MED12L: variants seen among roughly 807,000 people sequenced by gnomAD.
MED12L encodes mediator complex subunit 12L.
Under a neutral mutation model 281.3 loss-of-function variants are expected in MED12L, and 60 were observed. The observed-to-expected ratio is 0.21, with a 90% CI of 0.17 to 0.26. MED12L has a LOEUF of 0.26. Among genes scored for constraint, MED12L ranks in the 10% least tolerant of loss-of-function variants. MED12L has a pLI of 1.00. For synonymous variants in MED12L, 974 were observed against 987.2 expected, an observed-to-expected ratio of 0.99 and a Z score of 0.25; for missense variants, 2,146 against 2,680.9, an observed-to-expected ratio of 0.80 and a Z score of 4.41.
At chr3:151,204,784 A>G (rs1002918593) in intron 16 of MED12L, among the ~76,000 whole-genome samples, 1 of 152,184 alleles carries the variant, frequency 6.6e-6, no homozygotes, top group African/African-American at 2.4e-5. Flanking sequence ...CTGGGATGAA[A>G]GATTTTTGAC....
At chr3:151,229,190 C>G (rs1296911300) in intron 16 of MED12L, among the ~76,000 whole-genome samples, 1 of 152,128 alleles carries the variant, frequency 6.6e-6, no homozygotes, top group Non-Finnish European at 1.5e-5. Flanking sequence ...TTCCCATATA[C>G]TCTCTAACCC....
At chr3:151,368,745 A>T (rs1205824488) in intron 25 of MED12L, among the ~76,000 whole-genome samples, 2 of 96,684 alleles carry the variant, frequency 2.1e-5, no homozygotes, top group African/African-American at 5.3e-5. Flanking sequence ...ATTTCATTTC[A>T]TTTCATGTCA....
chr3:151,375,970 C>CATATATATATATAT (rs148538586), intron 27 of MED12L, 56 bp from the exon 28 acceptor site: 28,565 of 801,388 alleles, frequency 0.036, 826 homozygotes, highest in African/African-American at 0.15. Context: ...GTACATATTG[C>CATATATATATATAT]ATATATATAT....
intron 16 of MED12L, among the ~76,000 whole-genome samples, chr3:151,344,706 A>T (rs989360471): frequency 2.6e-5 from 4 of 152,224 alleles, no homozygotes; most frequent in Non-Finnish European, 4.4e-5. Context: ...GGACAATTAC[A>T]TCCACTTCAT....
At chr3:151,414,089 T>C (rs1717276483) in intron 42 of MED12L, among the ~76,000 whole-genome samples, 1 of 152,168 alleles carries the variant, frequency 6.6e-6, no homozygotes, top group Non-Finnish European at 1.5e-5. Context: ...TGACCTCAAG[T>C]GATCCGCCCA....
chr3:151,391,326 C>T (rs1300357692), intron 38 of MED12L, among the ~76,000 whole-genome samples: 1 of 152,170 alleles, frequency 6.6e-6, no homozygotes, highest in Non-Finnish European at 1.5e-5. Flanking sequence ...GACCCCTGTG[C>T]CTGCAGTGCT....
intron 16 of MED12L, among the ~76,000 whole-genome samples, chr3:151,302,354 G>A (rs968913590): frequency 1.4e-4 from 21 of 152,264 alleles, no homozygotes; most frequent in Non-Finnish European, 1.9e-4. Flanking sequence ...TAAAGATCAC[G>A]GAATGTGAAA....
intron 4 of MED12L, among the ~76,000 whole-genome samples, chr3:151,126,987 C>T (rs1714634283): frequency 6.6e-6 from 1 of 152,140 alleles, no homozygotes; most frequent in Admixed American, 6.5e-5. Context: ...AGTCTCATTG[C>T]TCTCATCCTG....
intron 16 of MED12L, among the ~76,000 whole-genome samples, chr3:151,245,141 A>C (rs1264115994): frequency 6.6e-6 from 1 of 152,260 alleles, no homozygotes; most frequent in Non-Finnish European, 1.5e-5. Flanking sequence ...CTTAGCAACC[A>C]AAAAGAGTCC....
intron 42 of MED12L, among the ~76,000 whole-genome samples, chr3:151,413,814 A>C (rs1210631634): frequency 6.6e-6 from 1 of 151,970 alleles, no homozygotes; most frequent in Non-Finnish European, 1.5e-5. Context: ...GAGAACTGTC[A>C]TTCACTTATT....
chr3:151,141,188 T>TTTTTTTGTTTTTTC (rs1716953493), intron 5 of MED12L, among the ~76,000 whole-genome samples: 2 of 88,920 alleles, frequency 2.2e-5, no homozygotes, highest in Admixed American at 2.1e-4. Flanking sequence ...GTTTTTTTTG[T>TTTTTTTGTTTTTTC]TTTTTTTTTT....
At chr3:151,222,446 G>A (rs930883687) in intron 16 of MED12L, among the ~76,000 whole-genome samples, 6 of 152,160 alleles carry the variant, frequency 3.9e-5, no homozygotes, top group African/African-American at 1.4e-4. Flanking sequence ...ATGTGTTGTG[G>A]GAGGGACCTG....
At chr3:151,327,734 T>TA (rs63497161) in intron 16 of MED12L, 67,009 of 251,592 alleles carry the variant, frequency 0.27, 8,178 homozygotes, top group African/African-American at 0.42. Context: ...CTCTTGAAAT[T>TA]AAAAAAAAAA....
In MED12L at chr3:151,374,054, G is replaced by A. The variant is rs1031833211; in HGVS notation, c.3864+1288G>A. 9.9e-5 allele frequency among the ~76,000 whole-genome samples: 15 copies of A among 152,222 alleles called. No homozygotes were observed. In the South Asian group the frequency reaches 3.1e-3, roughly 32 times the overall value. On this transcript the variant is annotated intron_variant, in intron 27 of 44. Coordinates refer to ENST00000687756, the MANE Select transcript of MED12L (RefSeq NM_001393769.1). ...AATTCCAATCCAACCCCACAAAGTTGTTCTGTGTTTTCCCCTAATTCATAT... is the reference window on the plus strand; with the variant it reads ...AATTCCAATCCAACCCCACAAAGTTATTCTGTGTTTTCCCCTAATTCATAT...
intron 8 of MED12L, among the ~76,000 whole-genome samples, chr3:151,160,490 G>A (rs1372992650): frequency 6.6e-6 from 1 of 152,138 alleles, no homozygotes; most frequent in African/African-American, 2.4e-5. Context: ...AGTCCAAATC[G>A]TATCGGGTTC....
chr3:151,193,928 C>A (rs1463239898), intron 16 of MED12L, among the ~76,000 whole-genome samples: 2 of 150,238 alleles, frequency 1.3e-5, no homozygotes, highest in Non-Finnish European at 3.0e-5. Flanking sequence ...GCATTTGAGT[C>A]ACTGCAGGTG....
Position 151,435,985 on chromosome 3 carries a change from T to TTTCA in MED12L, c.*3184_*3187dup, listed in dbSNP as rs953041803. On this transcript the variant is annotated 3_prime_UTR_variant, in exon 45 of 45. Transcript: ENST00000687756. ...GCTAGATTTTAAAGTTATAAAGAAG[T>TTTCA]TTCATTGTATTTTTAAAACCTTTTT... 1.3e-4 allele frequency: 20 copies of TTTCA among 152,126 alleles called. No individual in the cohort carries two copies. The highest frequency in any genetic ancestry group is 3.9e-4 in the African/African-American group (16 of 41,420). 9.4% of individuals were successfully genotyped at this position (152,126 alleles called of 1,614,324 possible). A position where few individuals can be genotyped will look rare whatever the true frequency, so the allele number is the denominator to read the frequency against.
intron 16 of MED12L, among the ~76,000 whole-genome samples, chr3:151,299,352 C>T (rs926423915): frequency 1.6e-5 from 1 of 62,336 alleles, no homozygotes; most frequent in African/African-American, 5.6e-5. Flanking sequence ...TTCCTTCCTT[C>T]CTTCTTTCTT....
At chr3:151,303,163 T>C (rs1156229341) in intron 16 of MED12L, among the ~76,000 whole-genome samples, 2 of 152,172 alleles carry the variant, frequency 1.3e-5, no homozygotes, top group Non-Finnish European at 2.9e-5. Context: ...TGTGGCTGAA[T>C]GATGCTGGTG....
Sources: allele counts gnomAD v4.1 joint callset (sites outside exome capture counted in the v4.1 genomes callset), GRCh38; gene constraint gnomAD v4.1.1; transcripts MANE v1.5; gene names NCBI Gene and HGNC (gene_info 2026-07-23, HGNC 2026-07-21).